TRPC5: variants seen among roughly 807,000 people sequenced by gnomAD.
TRPC5 encodes short transient receptor potential channel 5.
A neutral mutation model predicts 56.5 loss-of-function variants in TRPC5; 9 were observed. That is an observed-to-expected ratio of 0.16 (90% confidence interval 0.10 to 0.28). The LOEUF (loss-of-function observed/expected upper bound fraction) is 0.28. Ranked by LOEUF, TRPC5 falls within the 10% of genes least tolerant of loss-of-function variation. The pLI is 1.00. For missense variants in TRPC5, 469 were observed against 748.9 expected (o/e 0.63, Z 4.36); for synonymous variants, 282 against 278.5 (o/e 1.01, Z -0.13).
chrX:111,776,715 A>T lies in TRPC5; in HGVS notation c.2520T>A (p.Pro840=), dbSNP rs889382233. The part of the protein sequence containing the change: ...ESSSKRSFMG[P]SLKKLGLLFS... ...ATAGGAGACCCAGTTTCTTGAGAGA[A>T]GGACCCATGAAGGAGCGTTTGCTTG... The change falls in exon 11 of 11, where the codon CCT becomes CCA. Residue 840 remains proline (P), a synonymous_variant. Transcript: ENST00000262839. 1.7e-5 allele frequency: 21 copies of T among 1,210,231 alleles called. No homozygotes were observed. The highest frequency in any genetic ancestry group is 2.2e-5 in the Non-Finnish European group (20 of 895,308).
rs1227039711 is a variant in TRPC5, at chrX:112,052,911, C to T, written c.-22+28968G>A. Among the ~76,000 whole-genome samples, 4 of 111,821 alleles carry T rather than the reference C, an allele frequency of 3.6e-5. No individual in the cohort carries two copies. The East Asian group carries it at 1.1e-3, about 31-fold the overall frequency. On this transcript the variant is annotated intron_variant, in intron 1 of 10. Coordinates refer to ENST00000262839, the MANE Select transcript of TRPC5 (RefSeq NM_012471.3). ...TGGTCTTGGCACTCTTGTCAAAAAT[C>T]ATTTGGCCATATAAGTGATTCTGGG...
At chrX:111,976,565 T>C (rs775420893) in intron 1 of TRPC5, among the ~76,000 whole-genome samples, 202 of 112,052 alleles carry the variant, frequency 1.8e-3, no homozygotes, top group Non-Finnish European at 3.2e-3. Flanking sequence ...TTTTTCTATA[T>C]GATCCAGAAG....
At chrX:112,056,774 GT>G (rs1354685192) in intron 1 of TRPC5, among the ~76,000 whole-genome samples, 1 of 112,115 alleles carries the variant, frequency 8.9e-6, no homozygotes, top group Non-Finnish European at 1.9e-5. Flanking sequence ...TAACTGCACT[GT>G]CTTCTTCTTG....
intron 1 of TRPC5, among the ~76,000 whole-genome samples, chrX:112,031,122 T>C (rs1929575105): frequency 8.9e-6 from 1 of 111,933 alleles, no homozygotes; most frequent in Non-Finnish European, 1.9e-5. Context: ...TTGCTTTCCA[T>C]AAGAGTTCTG....
rs984266467 is a variant in TRPC5, at chrX:111,994,688, G to A, written c.-21-42247C>T. On this transcript the variant is annotated intron_variant, in intron 1 of 10. Coordinates refer to ENST00000262839, the MANE Select transcript of TRPC5 (RefSeq NM_012471.3). ...CCATTGTGAATGGGAGTTCACTCAC[G>A]ATTTGGCTATCTGTTTGTCTGTTAA... 2.7e-5 allele frequency among the ~76,000 whole-genome samples: 3 copies of A among 111,251 alleles called. No homozygotes were observed. The Admixed American group carries it at 2.9e-4, about 11-fold the overall frequency.
At chrX:111,837,155 G>A (rs771722342) in intron 6 of TRPC5, among the ~76,000 whole-genome samples, 31 of 112,165 alleles carry the variant, frequency 2.8e-4, no homozygotes, top group Non-Finnish European at 4.3e-4. Context: ...GGAGTTCAGG[G>A]GCCAGGGCAC....
chrX:111,780,030 A>G (rs1945907801), intron 9 of TRPC5, among the ~76,000 whole-genome samples: 1 of 111,927 alleles, frequency 8.9e-6, no homozygotes, highest in Non-Finnish European at 1.9e-5. Context: ...ACAAAATACC[A>G]TATTTTCTGC....
At chrX:111,786,309 C>T (rs946073658) in intron 7 of TRPC5, among the ~76,000 whole-genome samples, 5 of 111,032 alleles carry the variant, frequency 4.5e-5, no homozygotes, top group African/African-American at 1.6e-4. Context: ...CATATCCACC[C>T]AAACTAAGCT....
chrX:111,935,233 T>A (rs1403468185), intron 2 of TRPC5, among the ~76,000 whole-genome samples: 21 of 112,403 alleles, frequency 1.9e-4, no homozygotes, highest in Non-Finnish European at 1.9e-4. Context: ...GTTGAGCACC[T>A]TTTCATATAC....
At chrX:111,965,651 G>C (rs2069360211) in intron 1 of TRPC5, among the ~76,000 whole-genome samples, 1 of 111,919 alleles carries the variant, frequency 8.9e-6, no homozygotes, top group Admixed American at 9.5e-5. Flanking sequence ...AATCAAACTA[G>C]AACTCAGGAT....
At chrX:112,032,077 A>G (rs1289709276) in intron 1 of TRPC5, among the ~76,000 whole-genome samples, 1 of 111,383 alleles carries the variant, frequency 9.0e-6, no homozygotes, top group African/African-American at 3.3e-5. Context: ...ATTTAAAAAT[A>G]GGCAAAAGAG....
chrX:111,932,291 T>C (rs1219374508), intron 2 of TRPC5, among the ~76,000 whole-genome samples: 2 of 111,767 alleles, frequency 1.8e-5, no homozygotes, highest in Admixed American at 1.9e-4. Context: ...ATCACCTTGA[T>C]TTTGGTGCAT....
intron 8 of TRPC5, 47 bp from the exon 9 acceptor site, chrX:111,781,253 A>T: frequency 9.4e-7 from 1 of 1,062,282 alleles, no homozygotes; most frequent in Non-Finnish European, 1.3e-6. Context: ...GTCTCCCAGC[A>T]CCCTACCCAC....
intron 1 of TRPC5, among the ~76,000 whole-genome samples, chrX:112,007,499 G>A (rs1056114770): frequency 1.8e-5 from 2 of 111,478 alleles, no homozygotes; most frequent in Non-Finnish European, 3.8e-5. Flanking sequence ...GGACTATAAA[G>A]GGAGTTCCTA....
intron 1 of TRPC5, among the ~76,000 whole-genome samples, chrX:112,031,859 A>G (rs1486250823): frequency 9.7e-6 from 1 of 103,093 alleles, no homozygotes; most frequent in East Asian, 2.8e-4. Flanking sequence ...TTTTAAATCT[A>G]GGTAATATTC....
At chrX:112,047,255 C>A (rs1425469935) in intron 1 of TRPC5, among the ~76,000 whole-genome samples, 2 of 111,152 alleles carry the variant, frequency 1.8e-5, no homozygotes, top group Non-Finnish European at 3.8e-5. Flanking sequence ...GATGTTGGAA[C>A]TGCATCCATC....
At chrX:111,978,088 A>G (rs1206220791) in intron 1 of TRPC5, among the ~76,000 whole-genome samples, 1 of 112,246 alleles carries the variant, frequency 8.9e-6, no homozygotes, top group Admixed American at 9.4e-5. Flanking sequence ...TAGAACTACC[A>G]TAAGATCCAC....
chrX:111,980,286 T>G (rs1174424496), intron 1 of TRPC5, among the ~76,000 whole-genome samples: 5 of 111,180 alleles, frequency 4.5e-5, no homozygotes, highest in Non-Finnish European at 5.7e-5. Context: ...GAATCTATAG[T>G]GAGAAAAAGA....
At chrX:111,867,092 G>C (rs1438363104) in intron 3 of TRPC5, among the ~76,000 whole-genome samples, 6 of 111,513 alleles carry the variant, frequency 5.4e-5, no homozygotes, top group Non-Finnish European at 9.4e-5. Flanking sequence ...AATAATGTTT[G>C]TGTTCAGACG....
Sources: gnomAD v4.1 joint callset for allele counts (sites outside exome capture counted in the v4.1 genomes callset) on GRCh38, gnomAD v4.1.1 for gene constraint, MANE v1.5 for transcripts, NCBI Gene and HGNC (gene_info 2026-07-23, HGNC 2026-07-21) for gene names.